The following YEATS2 variants were observed in gnomAD, a reference collection of about 807,000 sequenced individuals.
YEATS2 encodes the protein YEATS domain-containing protein 2.
A neutral mutation model predicts 163.2 loss-of-function variants in YEATS2; 77 were observed. The ratio of observed to expected loss-of-function variants is 0.47; its 90% CI spans 0.39 to 0.57. The LOEUF is 0.57. YEATS2 is among the 20% of genes least tolerant of loss of function. The probability of loss-of-function intolerance (pLI) is 0.00; values close to 1 mark genes in which losing one functional copy is unlikely to be tolerated. For missense variants in YEATS2, 1,549 were observed against 1,729.8 expected (o/e 0.90, Z 1.85); for synonymous variants, 631 against 645.1 (o/e 0.98, Z 0.33).
intron 1 of YEATS2, among the ~76,000 whole-genome samples, chr3:183,707,607 T>A (rs982198698): frequency 3.3e-5 from 5 of 151,956 alleles, no homozygotes; most frequent in Non-Finnish European, 7.4e-5. Context: ...GAAATCATTA[T>A]CAGCATCTTA....
chr3:183,775,731 A>G (rs1722924562), intron 17 of YEATS2, among the ~76,000 whole-genome samples, 184 bp from the exon 18 acceptor site: 1 of 152,238 alleles, frequency 6.6e-6, no homozygotes, highest in African/African-American at 2.4e-5. Flanking sequence ...ATTTTGATCT[A>G]AAATCTAGGA....
In YEATS2 at chr3:183,804,029, C is replaced by T. The variant is rs753717347; in HGVS notation, c.3625C>T (p.Leu1209=). ...AATGCGAAAAGTCTTACAAGAAATC[C>T]TGGAGAAGAATCCGAGATTTCACCA... The part of the protein sequence containing the change: ...MTMRKVLQEI[L]EKNPRFHHLT... Residue 1209 remains leucine (L), a synonymous_variant, in exon 27 of 31, where the codon CTG becomes TTG. Coordinates refer to ENST00000305135, the MANE Select transcript of YEATS2 (RefSeq NM_018023.5). 1.0e-4 allele frequency: 164 copies of T among 1,613,902 alleles called. No homozygotes were observed. Among genetic ancestry groups the T allele is most frequent in the Middle Eastern group, 4.9e-4 (3 of 6,084 alleles).
chr3:183,723,860 C>G (rs1403292416), intron 5 of YEATS2, among the ~76,000 whole-genome samples: 2 of 152,134 alleles, frequency 1.3e-5, no homozygotes, highest in African/African-American at 4.8e-5. Flanking sequence ...TGCAATGAGC[C>G]GAGATCGTGC....
At chr3:183,799,817 G>GT (rs71629992) in intron 23 of YEATS2, among the ~76,000 whole-genome samples, 12,747 of 132,792 alleles carry the variant, frequency 0.096, 609 homozygotes, top group Non-Finnish European at 0.12. Context: ...GAGTAGCATT[G>GT]TTTTTTTTTT....
chr3:183,804,114 C>T lies in YEATS2; in HGVS notation c.3710C>T (p.Pro1237Leu). The stretch of plus-strand genomic sequence containing the variant: ...TGGTGCCGCTGTCATGGCTACACCC[C>T]ACCGGACCCTGAGAGCCTGAGGAAT... ...AHWCRCHGYT[P>L]PDPESLRNDG... is the part of the protein sequence containing the mutation. The change falls in exon 27 of 31, where the codon CCA becomes CTA. Residue 1237 changes from proline to leucine, a missense_variant. Pro to Leu is a moderately conservative substitution (Grantham distance 98). Transcript: ENST00000305135. 1 of 1,614,172 alleles carries T rather than the reference C, an allele frequency of 6.2e-7. No individual in the cohort carries two copies.
At chr3:183,715,783 A>G (rs1482272606) in intron 2 of YEATS2, among the ~76,000 whole-genome samples, 1 of 152,142 alleles carries the variant, frequency 6.6e-6, no homozygotes, top group African/African-American at 2.4e-5. Flanking sequence ...AGATTAGGAA[A>G]CATCGATCTA....
chr3:183,773,189 T>C (rs1722653854), intron 16 of YEATS2, among the ~76,000 whole-genome samples: 1 of 152,184 alleles, frequency 6.6e-6, no homozygotes, highest in Non-Finnish European at 1.5e-5. Flanking sequence ...GGGCCAATGG[T>C]ACTTGCCAGT....
intron 19 of YEATS2, among the ~76,000 whole-genome samples, chr3:183,780,240 AGGAAGGAGGAAGCG>A (rs1199043354): frequency 2.0e-5 from 3 of 152,154 alleles, no homozygotes; most frequent in African/African-American, 7.2e-5. Context: ...CAAGCACCAC[AGGAAGGAGGAAGCG>A]GGGGCGCAGG....
intron 30 of YEATS2, chr3:183,810,270 T>C: frequency 2.0e-6 from 1 of 511,784 alleles, no homozygotes; most frequent in Non-Finnish European, 3.5e-6. Context: ...TTCCTAATTA[T>C]TCAACCAACT....
chr3:183,721,372 A>T (rs1716473358), intron 4 of YEATS2, among the ~76,000 whole-genome samples: 1 of 152,216 alleles, frequency 6.6e-6, no homozygotes, highest in South Asian at 2.1e-4. Flanking sequence ...TGTATTTTGT[A>T]TGCAAGTAAC....
At chr3:183,807,145 G>A in intron 28 of YEATS2, 53 bp downstream of exon 28, 1 of 1,504,298 alleles carries the variant, frequency 6.6e-7, no homozygotes. Context: ...AGAGCTAGAT[G>A]TTCAGACGTT....
chr3:183,806,413 A>C (rs1472617930), intron 27 of YEATS2: 1 of 456,704 alleles, frequency 2.2e-6, no homozygotes, highest in South Asian at 1.5e-5. Flanking sequence ...GGTTTTGTAT[A>C]AATCACCTTA....
intron 7 of YEATS2, among the ~76,000 whole-genome samples, chr3:183,733,438 C>G (rs528552029): frequency 6.6e-6 from 1 of 152,214 alleles, no homozygotes; most frequent in East Asian, 1.9e-4. Flanking sequence ...TGGTATACTC[C>G]AGTTTATCTA....
intron 30 of YEATS2, among the ~76,000 whole-genome samples, chr3:183,809,688 C>T (rs1358000664): frequency 6.6e-6 from 1 of 152,262 alleles, no homozygotes; most frequent in Non-Finnish European, 1.5e-5. Context: ...TTTGCTGACT[C>T]GTTGTCTTTG....
Position 183,736,812 on chromosome 3 carries a change from A to G in YEATS2, c.907A>G (p.Ile303Val). ...GGACAGCCAGAACAAGCGGATAGAT[A>G]TCATACATAATCTGAAGGTATTGTA... ...FKDSQNKRID[I>V]IHNLKLDRTY... The change falls in exon 8 of 31, where the codon ATC becomes GTC. Residue 303 changes from isoleucine to valine, a missense_variant. Coordinates refer to ENST00000305135, the MANE Select transcript of YEATS2 (RefSeq NM_018023.5). 1 of 1,612,902 alleles carries G rather than the reference A, an allele frequency of 6.2e-7. No homozygotes were observed. The highest frequency in any genetic ancestry group is 8.5e-7 in the Non-Finnish European group (1 of 1,179,448).
chr3:183,707,778 G>A (rs1392249652), intron 1 of YEATS2, among the ~76,000 whole-genome samples: 1 of 150,216 alleles, frequency 6.7e-6, no homozygotes, highest in East Asian at 2.0e-4. Context: ...CTGCCTCCCG[G>A]GTTCAAGCAA....
chr3:183,721,977 C>G lies in YEATS2; in HGVS notation c.378C>G (p.Ala126=), dbSNP rs759968333. Residue 126 remains alanine, a synonymous_variant, in exon 5 of 31, where the codon GCC becomes GCG. Transcript: ENST00000305135. Reference sequence around the variant, plus strand: ...CACCATCTAGGTCATCATCTCCTGCCAATCAGAGAGCAGAAACACCATCAG... The same window carrying G: ...CACCATCTAGGTCATCATCTCCTGCGAATCAGAGAGCAGAAACACCATCAG... The part of the protein sequence containing the change: ...LESPSRSSSP[A]NQRAETPSAN... 3 of 1,614,112 alleles carry G rather than the reference C, an allele frequency of 1.9e-6. No individual in the cohort carries two copies. Among genetic ancestry groups the G allele is most frequent in the Non-Finnish European group, 2.5e-6 (3 of 1,180,026 alleles).
chr3:183,732,324 G>T (rs1717878032), intron 7 of YEATS2, among the ~76,000 whole-genome samples: 3 of 151,526 alleles, frequency 2.0e-5, no homozygotes, highest in African/African-American at 2.4e-5. Flanking sequence ...CCGGTGGCGT[G>T]TGCCTGTAGT....
In YEATS2 at chr3:183,717,684, T is replaced by C; in HGVS notation, c.134T>C (p.Ile45Thr). The part of the protein sequence containing the change: ...RDAAVQKIET[I>T]IKEQFALEMK... ...GCTGCTGTGCAGAAGATTGAGACTATTATCAAAGAACAGTTTGCTCTTGAA... is the reference window on the plus strand; with the variant it reads ...GCTGCTGTGCAGAAGATTGAGACTACTATCAAAGAACAGTTTGCTCTTGAA... Residue 45 changes from isoleucine (I) to threonine (T), a missense_variant, in exon 3 of 31, where the codon ATT becomes ACT. By Grantham distance (89) the Ile-to-Thr change is moderately conservative. Coordinates refer to ENST00000305135, the MANE Select transcript of YEATS2 (RefSeq NM_018023.5). 1 of 1,571,976 alleles carries C rather than the reference T, an allele frequency of 6.4e-7. No individual in the cohort carries two copies. The highest frequency in any genetic ancestry group is 8.6e-7 in the Non-Finnish European group (1 of 1,165,308).
Sources: gnomAD v4.1 joint callset for allele counts (sites outside exome capture counted in the v4.1 genomes callset) on GRCh38, gnomAD v4.1.1 for gene constraint, MANE v1.5 for transcripts, NCBI Gene and HGNC (gene_info 2026-07-23, HGNC 2026-07-21) for gene names.